The following SPOCK1 variants were observed in gnomAD, a reference collection of about 807,000 sequenced individuals.
SPOCK1 encodes SPARC (osteonectin), cwcv and kazal like domains proteoglycan 1.
In SPOCK1, 23 loss-of-function variants were observed where a neutral mutation model predicts 55.3. The ratio of observed to expected loss-of-function variants is 0.42; its 90% CI spans 0.30 to 0.59. The LOEUF (loss-of-function observed/expected upper bound fraction) is 0.59. Among genes scored for constraint, SPOCK1 ranks in the 20% least tolerant of loss-of-function variants. The probability of loss-of-function intolerance (pLI) is 0.22; values close to 1 mark genes in which losing one functional copy is unlikely to be tolerated. For synonymous variants in SPOCK1, 226 were observed against 221.0 expected, an observed-to-expected ratio of 1.02 and a Z score of -0.20; for missense variants, 499 against 552.5, an observed-to-expected ratio of 0.90 and a Z score of 0.97.
intron 3 of SPOCK1, among the ~76,000 whole-genome samples, chr5:137,143,047 C>CA (rs1561625274): frequency 6.6e-6 from 1 of 152,198 alleles, no homozygotes. Flanking sequence ...GTCAGTCCTT[C>CA]ATTGCCCCTT....
chr5:137,222,057 G>C (rs1755866377), intron 3 of SPOCK1, among the ~76,000 whole-genome samples: 1 of 152,190 alleles, frequency 6.6e-6, no homozygotes, highest in African/African-American at 2.4e-5. Context: ...ACAGAGGACA[G>C]CATGAAGCCT....
chr5:137,273,778 C>A (rs766015212), intron 2 of SPOCK1, among the ~76,000 whole-genome samples: 7 of 152,174 alleles, frequency 4.6e-5, no homozygotes, highest in Non-Finnish European at 1.0e-4. Flanking sequence ...TCAGTAAAAA[C>A]CCCAAGATGA....
chr5:136,988,704 T>G (rs1750891354), intron 7 of SPOCK1, 61 bp from the exon 8 acceptor site: 1 of 1,482,780 alleles, frequency 6.7e-7, no homozygotes. Context: ...CCCTGCTCAC[T>G]CCCCAGCTTT....
At position 137,196,163 on chromosome 5, in the gene SPOCK1, G is replaced by C. The variant is rs573725612; in HGVS notation, c.233-55469C>G. ...CTCTGACACCCCTCACCTATTCTGA[G>C]TCCATCTACGTGCCACCATCTCCAG... On this transcript the variant is annotated intron_variant, in intron 3 of 10. Transcript: ENST00000394945. 3.3e-5 allele frequency among the ~76,000 whole-genome samples: 5 copies of C among 152,220 alleles called. No individual in the cohort carries two copies. In the South Asian group the frequency reaches 1.0e-3, roughly 32 times the overall value.
intron 2 of SPOCK1, among the ~76,000 whole-genome samples, chr5:137,283,696 CAG>C (rs1757209503): frequency 6.6e-6 from 1 of 151,000 alleles, no homozygotes; most frequent in African/African-American, 2.4e-5. Flanking sequence ...GCCTGGGTGA[CAG>C]AGCAAAACCC....
At chr5:137,073,844 C>T (rs1254719627) in intron 5 of SPOCK1, among the ~76,000 whole-genome samples, 2 of 152,120 alleles carry the variant, frequency 1.3e-5, no homozygotes, top group Non-Finnish European at 2.9e-5. Context: ...TTCACACAGT[C>T]TTAAAATGTC....
chr5:136,988,707 C>G, intron 7 of SPOCK1, 64 bp from the exon 8 acceptor site: 1 of 1,478,924 alleles, frequency 6.8e-7, no homozygotes, highest in Non-Finnish European at 9.1e-7. Flanking sequence ...TGCTCACTCC[C>G]CAGCTTTCTG....
intron 4 of SPOCK1, among the ~76,000 whole-genome samples, chr5:137,115,425 G>A (rs1753559881): frequency 6.6e-6 from 1 of 151,522 alleles, no homozygotes; most frequent in African/African-American, 2.4e-5. Context: ...GCATCAATCT[G>A]GGACTATTTT....
At chr5:137,134,492 A>G (rs1328815927) in intron 4 of SPOCK1, among the ~76,000 whole-genome samples, 1 of 152,238 alleles carries the variant, frequency 6.6e-6, no homozygotes, top group African/African-American at 2.4e-5. Context: ...ACAGTAAATG[A>G]AGATCCTCTG....
intron 2 of SPOCK1, among the ~76,000 whole-genome samples, chr5:137,274,307 G>C (rs2127121244): frequency 6.6e-6 from 1 of 152,330 alleles, no homozygotes; most frequent in South Asian, 2.1e-4. Flanking sequence ...GCACCAAGGA[G>C]TTAAAGTCAG....
intron 6 of SPOCK1, among the ~76,000 whole-genome samples, chr5:137,031,852 T>C (rs1433964384): frequency 2.0e-5 from 3 of 152,026 alleles, no homozygotes; most frequent in East Asian, 3.9e-4. Flanking sequence ...GATTAACAAA[T>C]GTATGGTGTA....
At chr5:137,132,886 A>T (rs925431650) in intron 4 of SPOCK1, among the ~76,000 whole-genome samples, 30 of 152,180 alleles carry the variant, frequency 2.0e-4, no homozygotes, top group African/African-American at 7.2e-4. Flanking sequence ...TCTTGAGGGC[A>T]CATCTAGAAA....
chr5:137,091,042 A>T (rs1005562989), intron 5 of SPOCK1, among the ~76,000 whole-genome samples: 1 of 152,210 alleles, frequency 6.6e-6, no homozygotes, highest in Non-Finnish European at 1.5e-5. Context: ...TCTGTGTTCA[A>T]TGGCCAGGAG....
Position 137,397,414 on chromosome 5 carries a change from C to A in SPOCK1, c.186+100959G>T, listed in dbSNP as rs1238884387. ...TTTATTTCTATCAAACAGAGCTTTC[C>A]AGCTTTACCTTCCTAACTGGATCAT... On this transcript the variant is annotated intron_variant, in intron 2 of 10. Coordinates refer to ENST00000394945, the MANE Select transcript of SPOCK1 (RefSeq NM_004598.4). Among the ~76,000 whole-genome samples, 3 of 152,310 alleles carry A rather than the reference C, an allele frequency of 2.0e-5. No homozygotes were observed. In the East Asian group the frequency reaches 5.8e-4, roughly 29 times the overall value.
intron 4 of SPOCK1, among the ~76,000 whole-genome samples, chr5:137,133,943 C>G (rs964177567): frequency 1.1e-5 from 1 of 94,446 alleles, no homozygotes; most frequent in Non-Finnish European, 2.1e-5. Flanking sequence ...GGGCCAGGAG[C>G]AGATGGGCTG....
intron 2 of SPOCK1, among the ~76,000 whole-genome samples, chr5:137,292,599 T>C (rs1004243107): frequency 6.6e-6 from 1 of 152,122 alleles, no homozygotes; most frequent in African/African-American, 2.4e-5. Flanking sequence ...AGGACAGAAC[T>C]AGTGCATAGC....
chr5:137,431,740 T>C lies in SPOCK1; in HGVS notation c.186+66633A>G, dbSNP rs147086097. ...CCCTTGTGTTTTGTCTCTTTGCATG[T>C]GTCCACTTCCCCTTTGACCTTCTCA... On this transcript the variant is annotated intron_variant, in intron 2 of 10. Transcript: ENST00000394945. Among the ~76,000 whole-genome samples the C allele has an allele frequency of 3.6e-3, 545 of 152,360 alleles. 5 individuals carry two copies. Among genetic ancestry groups the C allele is most frequent in the African/African-American group, 0.012 (512 of 41,586 alleles).
chr5:137,480,162 T>C (rs13169950), intron 2 of SPOCK1, among the ~76,000 whole-genome samples: 2,600 of 152,252 alleles, frequency 0.017, 34 homozygotes, highest in Middle Eastern at 0.027. Flanking sequence ...AAGCAGCAAT[T>C]AAAAATAAAC....
intron 8 of SPOCK1, 101 bp downstream of exon 8, chr5:136,988,321 C>G (rs974615489): frequency 1.8e-5 from 15 of 849,608 alleles, no homozygotes; most frequent in Admixed American, 1.4e-4. Context: ...TATTTATTCT[C>G]TGGCTGTGGC....
Sources: allele counts gnomAD v4.1 joint callset (sites outside exome capture counted in the v4.1 genomes callset), GRCh38; gene constraint gnomAD v4.1.1; transcripts MANE v1.5; gene names NCBI Gene and HGNC (gene_info 2026-07-23, HGNC 2026-07-21).